PKDCC: variants seen among roughly 807,000 people sequenced by gnomAD.
PKDCC encodes the protein protein kinase domain containing, cytoplasmic, also known as extracellular tyrosine-protein kinase PKDCC.
A neutral mutation model predicts 44.7 loss-of-function variants in PKDCC; 35 were observed. That is an observed-to-expected ratio of 0.78 (90% CI 0.60 to 1.04). The LOEUF is 1.04. Among genes scored for constraint, PKDCC ranks in the 50% least tolerant of loss-of-function variants. The probability of loss-of-function intolerance (pLI) is 0.00; values close to 1 mark genes in which losing one functional copy is unlikely to be tolerated. For missense variants in PKDCC, 738 were observed against 672.7 expected (o/e 1.10, Z -1.07); for synonymous variants, 353 against 303.3 (o/e 1.16, Z -1.70).
chr2:42,052,199 C>G lies in PKDCC; in HGVS notation c.640-1040C>G, dbSNP rs930438487. On this transcript the variant is annotated intron_variant, in intron 1 of 6. Coordinates refer to ENST00000294964, the MANE Select transcript of PKDCC (RefSeq NM_138370.3). The surrounding 1 kb of genome is among the most constrained non-coding windows in gnomAD (Gnocchi z 4.3). ...ACTGATCTTCCAGGAGGAATCATCA[C>G]TCACTACCACCCCCACTGATACACA... 3.3e-5 allele frequency among the ~76,000 whole-genome samples: 5 copies of G among 152,152 alleles called. No individual in the cohort carries two copies. Among genetic ancestry groups the G allele is most frequent in the African/African-American group, 1.2e-4 (5 of 41,432 alleles).
rs372977163 is a variant in PKDCC at position 42,055,067 on chromosome 2, C to G, written c.1114+47C>G. 6.4e-7 allele frequency: 1 copy of G among 1,553,394 alleles called. No homozygotes were observed. The highest frequency in any genetic ancestry group is 1.4e-5 in the African/African-American group (1 of 73,622). ...TGCTTCCAGGCACCTACCCCACCCCCACCCGCCAGCAAAAGTGGGGAGAAA... is the reference window on the plus strand; with the variant it reads ...TGCTTCCAGGCACCTACCCCACCCCGACCCGCCAGCAAAAGTGGGGAGAAA... On this transcript the variant is annotated intron_variant, in intron 4 of 6. Coordinates refer to ENST00000294964, the MANE Select transcript of PKDCC (RefSeq NM_138370.3). The surrounding 1 kb of genome is among the most constrained non-coding windows in gnomAD (Gnocchi z 4.5).
At position 42,055,477 on chromosome 2, in the gene PKDCC, A is replaced by C; in HGVS notation, c.1222+84A>C. The stretch of plus-strand genomic sequence containing the variant: ...CCCGCCCAATTAGGCTAAGTGGCTC[A>C]CCCTTTCTCTGGGGACCCTTGTCTC... On this transcript the variant is annotated intron_variant, in intron 5 of 6. Coordinates refer to ENST00000294964, the MANE Select transcript of PKDCC (RefSeq NM_138370.3). This position sits in a 1 kb window ranked among gnomAD's most constrained non-coding sequence, Gnocchi z 4.5. 3 of 1,243,570 alleles carry C rather than the reference A, an allele frequency of 2.4e-6. No homozygotes were observed. Among genetic ancestry groups the C allele is most frequent in the South Asian group, 1.4e-5 (1 of 72,406 alleles). 77.0% of individuals were successfully genotyped at this position (1,243,570 alleles called of 1,614,324 possible).
rs1208188105 is a variant in PKDCC at position 42,048,185 on chromosome 2, G to T, written c.-15G>T. ...GGGAGCCGCGCGGGGCCGGCCGGCC[G>T]GGGGGAGGGGAGCGATGCGGCGCCG... On this transcript the variant is annotated 5_prime_UTR_variant, in exon 1 of 7. Coordinates refer to ENST00000294964, the MANE Select transcript of PKDCC (RefSeq NM_138370.3). This position sits in a 1 kb window ranked among gnomAD's most constrained non-coding sequence, Gnocchi z 6.2. 4 of 1,103,930 alleles carry T rather than the reference G, an allele frequency of 3.6e-6. No homozygotes were observed. Among genetic ancestry groups the T allele is most frequent in the Non-Finnish European group, 4.4e-6 (4 of 909,212 alleles). The allele number at this position is 1,103,930 out of a possible 1,614,324, so 68.4% of individuals were successfully genotyped here.
chr2:42,048,444 C>G lies in PKDCC; in HGVS notation c.245C>G (p.Pro82Arg). 1 of 1,102,976 alleles carries G rather than the reference C, an allele frequency of 9.1e-7. No homozygotes were observed. The highest frequency in any genetic ancestry group is 1.1e-6 in the Non-Finnish European group (1 of 909,228). The allele number at this position is 1,102,976 out of a possible 1,614,324, so 68.3% of individuals were successfully genotyped here. Reference sequence around the variant, plus strand: ...GGCCCCGGGCCCGGGGCGGGCCGGCCGGAGCGGCGGCGCCTGATGGACCTG... The same window carrying G: ...GGCCCCGGGCCCGGGGCGGGCCGGCGGGAGCGGCGGCGCCTGATGGACCTG... ...RGGPGPGAGR[P>R]ERRRLMDLAP... Residue 82 changes from proline to arginine, a missense_variant, in exon 1 of 7, where the codon CCG becomes CGG. Transcript: ENST00000294964. The surrounding 1 kb of genome is among the most constrained non-coding windows in gnomAD (Gnocchi z 6.2).
In PKDCC at chr2:42,055,441, G is replaced by A; in HGVS notation, c.1222+48G>A. 6.4e-7 allele frequency: 1 copy of A among 1,560,034 alleles called. No individual in the cohort carries two copies. ...ACAGGGAAGCAAGAAACAGGTGGGA[G>A]GGTGAATGACCCCGCCCAATTAGGC... On this transcript the variant is annotated intron_variant, in intron 5 of 6. Transcript: ENST00000294964. The surrounding 1 kb of genome is among the most constrained non-coding windows in gnomAD (Gnocchi z 4.5).
chr2:42,054,988 G>A lies in PKDCC; in HGVS notation c.1082G>A (p.Arg361His), dbSNP rs750512358. 8 of 1,614,052 alleles carry A rather than the reference G, an allele frequency of 5.0e-6. No individual in the cohort carries two copies. Among genetic ancestry groups the A allele is most frequent in the Middle Eastern group, 1.6e-4 (1 of 6,062 alleles). Residue 361 changes from arginine to histidine, a missense_variant, in exon 4 of 7, where the codon CGT becomes CAT. Physicochemically the swap from Arg to His is conservative, Grantham distance 29. Coordinates refer to ENST00000294964, the MANE Select transcript of PKDCC (RefSeq NM_138370.3). The surrounding 1 kb of genome is among the most constrained non-coding windows in gnomAD (Gnocchi z 6.1). ...CCTCACAGTGCCCCGCCTTCACTGCGTCCTCTGCTGGACAGCATCGTCAAC... is the reference window on the plus strand; with the variant it reads ...CCTCACAGTGCCCCGCCTTCACTGCATCCTCTGCTGGACAGCATCGTCAAC... ...LLPHSAPPSL[R>H]PLLDSIVNAT...
rs779227016 is a variant in PKDCC at position 42,053,296 on chromosome 2, A to G, written c.697A>G (p.Thr233Ala). 8 of 1,613,244 alleles carry G rather than the reference A, an allele frequency of 5.0e-6. No homozygotes were observed. Among genetic ancestry groups the G allele is most frequent in the Non-Finnish European group, 6.8e-6 (8 of 1,179,882 alleles). ...EDIPDTLTTI[T>A]ELGAPVEMIQ... ...CATCCCAGACACCCTGACCACCATC[A>G]CGGAGCTGGGCGCCCCTGTAGAAAT... The change falls in exon 2 of 7, where the codon ACG becomes GCG. Residue 233 changes from threonine to alanine, a missense_variant. By Grantham distance (58) the Thr-to-Ala change is moderately conservative. Transcript: ENST00000294964.
chr2:42,048,699 C>T lies in PKDCC; in HGVS notation c.500C>T (p.Ala167Val), dbSNP rs1250250680. The change falls in exon 1 of 7, where the codon GCG becomes GTG. Residue 167 changes from alanine to valine, a missense_variant. Transcript: ENST00000294964. The surrounding 1 kb of genome is among the most constrained non-coding windows in gnomAD (Gnocchi z 6.2). Reference protein sequence around the residue: ...LPGGAAVALKAVDFSGHDLGS... With the variant: ...LPGGAAVALKVVDFSGHDLGS... ...GGCGGTGCCGCGGTGGCGCTCAAGGCGGTGGACTTTAGCGGCCACGATCTG... is the reference window on the plus strand; with the variant it reads ...GGCGGTGCCGCGGTGGCGCTCAAGGTGGTGGACTTTAGCGGCCACGATCTG... 4 of 1,552,854 alleles carry T rather than the reference C, an allele frequency of 2.6e-6. No individual in the cohort carries two copies. The highest frequency in any genetic ancestry group is 2.6e-6 in the Non-Finnish European group (3 of 1,149,560).
At position 42,057,976 on chromosome 2, in the gene PKDCC, C is replaced by G; in HGVS notation, c.*288C>G. On this transcript the variant is annotated 3_prime_UTR_variant, in exon 7 of 7. Coordinates refer to ENST00000294964, the MANE Select transcript of PKDCC (RefSeq NM_138370.3). Reference sequence around the variant, plus strand: ...GTAAGCAAGCTCAGGCTAGTCTCCCCACTGGGGGCTGTGCCCCTCCCTGGG... The same window carrying G: ...GTAAGCAAGCTCAGGCTAGTCTCCCGACTGGGGGCTGTGCCCCTCCCTGGG... 4.4e-6 allele frequency: 2 copies of G among 457,354 alleles called. No homozygotes were observed. Among genetic ancestry groups the G allele is most frequent in the Non-Finnish European group, 7.9e-6 (2 of 252,532 alleles). The allele number at this position is 457,354 out of a possible 1,614,324, so 28.3% of individuals were successfully genotyped here. A position where few individuals can be genotyped will look rare whatever the true frequency, so the allele number is the denominator to read the frequency against.
intron 1 of PKDCC, among the ~76,000 whole-genome samples, chr2:42,049,903 GCACA>G (rs1045984262): frequency 6.6e-6 from 1 of 152,144 alleles, no homozygotes; most frequent in Admixed American, 6.5e-5. Context: ...ATGAAATCTT[GCACA>G]CACCTTCCAC....
In PKDCC at chr2:42,052,175, C is replaced by A. The variant is rs527740487; in HGVS notation, c.640-1064C>A. Among the ~76,000 whole-genome samples the A allele has an allele frequency of 2.6e-5, 4 of 152,250 alleles. No individual in the cohort carries two copies. The South Asian group carries it at 8.3e-4, about 32-fold the overall frequency. On this transcript the variant is annotated intron_variant, in intron 1 of 6. Coordinates refer to ENST00000294964, the MANE Select transcript of PKDCC (RefSeq NM_138370.3). This position sits in a 1 kb window ranked among gnomAD's most constrained non-coding sequence, Gnocchi z 4.3. ...CCCTGTGACCGTAACCCCAAAAGAA[C>A]TGATCTTCCAGGAGGAATCATCACT...
At chr2:42,049,413 G>C (rs1005301259) in intron 1 of PKDCC, among the ~76,000 whole-genome samples, 6 of 152,056 alleles carry the variant, frequency 3.9e-5, no homozygotes, top group Non-Finnish European at 8.8e-5. Flanking sequence ...ACACTGGAAG[G>C]GGGCTGGGGA....
At chr2:42,049,678 G>A (rs1667935104) in intron 1 of PKDCC, among the ~76,000 whole-genome samples, 1 of 152,180 alleles carries the variant, frequency 6.6e-6, no homozygotes, top group Non-Finnish European at 1.5e-5. Flanking sequence ...ACACAGGCGA[G>A]AGCTGAAACC....
Position 42,048,858 on chromosome 2 carries a change from G to A in PKDCC, c.639+20G>A, listed in dbSNP as rs755968453. Reference sequence around the variant, plus strand: ...CTGCAGGTACGAGGGTGGGGACGCGGGGGTAACGGTGTTGGCTGGGAGTGC... The same window carrying A: ...CTGCAGGTACGAGGGTGGGGACGCGAGGGTAACGGTGTTGGCTGGGAGTGC... On this transcript the variant is annotated intron_variant, in intron 1 of 6. Transcript: ENST00000294964. The surrounding 1 kb of genome is among the most constrained non-coding windows in gnomAD (Gnocchi z 6.2). 9 of 1,455,348 alleles carry A rather than the reference G, an allele frequency of 6.2e-6. No homozygotes were observed. The highest frequency in any genetic ancestry group is 8.2e-6 in the Non-Finnish European group (9 of 1,098,806). 90.2% of individuals were successfully genotyped at this position (1,455,348 alleles called of 1,614,324 possible).
chr2:42,050,498 C>T (rs1667946685), intron 1 of PKDCC, among the ~76,000 whole-genome samples: 1 of 152,182 alleles, frequency 6.6e-6, no homozygotes, highest in South Asian at 2.1e-4. Flanking sequence ...TTCCCGCCAG[C>T]TCAAACTTCC....
rs774096529 is a variant in PKDCC at position 42,054,017 on chromosome 2, C to G, written c.763-19C>G. 3 of 1,603,940 alleles carry G rather than the reference C, an allele frequency of 1.9e-6. No individual in the cohort carries two copies. Among genetic ancestry groups the G allele is most frequent in the Admixed American group, 3.3e-5 (2 of 59,748 alleles). On this transcript the variant is annotated intron_variant, in intron 2 of 6. Transcript: ENST00000294964. The surrounding 1 kb of genome is among the most constrained non-coding windows in gnomAD (Gnocchi z 6.1). ...ACCCAGGAGAAAAGCAGTGAGCAGTCTTTTCTTGTGCCCCTCAGATCTGCC... is the reference window on the plus strand; with the variant it reads ...ACCCAGGAGAAAAGCAGTGAGCAGTGTTTTCTTGTGCCCCTCAGATCTGCC...
chr2:42,050,252 G>A (rs1667943878), intron 1 of PKDCC, among the ~76,000 whole-genome samples: 1 of 152,202 alleles, frequency 6.6e-6, no homozygotes, highest in Non-Finnish European at 1.5e-5. Context: ...CAGGGAGTGA[G>A]CCCCTGGTTA....
Position 42,053,974 on chromosome 2 carries a change from G to C in PKDCC, c.763-62G>C, listed in dbSNP as rs1386169585. On this transcript the variant is annotated intron_variant, in intron 2 of 6. Transcript: ENST00000294964. ...CAGATTCCAAGAGGAGGGTGCCCTC[G>C]AGTCCCACAGACCCCCAACCCAGGA... 7.7e-6 allele frequency: 12 copies of C among 1,559,178 alleles called. No individual in the cohort carries two copies. In the Admixed American group the frequency reaches 2.1e-4, roughly 28 times the overall value.
rs376376390 is a variant in PKDCC, at chr2:42,052,741, A to G, written c.640-498A>G. Among the ~76,000 whole-genome samples the G allele has an allele frequency of 3.4e-5, 5 of 148,138 alleles. No homozygotes were observed. Among genetic ancestry groups the G allele is most frequent in the African/African-American group, 9.8e-5 (4 of 40,872 alleles). On this transcript the variant is annotated intron_variant, in intron 1 of 6. Coordinates refer to ENST00000294964, the MANE Select transcript of PKDCC (RefSeq NM_138370.3). The surrounding 1 kb of genome is among the most constrained non-coding windows in gnomAD (Gnocchi z 4.3). ...TGGGCAACAGAGCGAGGCTGTCTCA[A>G]AAAAAAAAAAAGAAAAGAAAAGAAA...
Sources: gnomAD v4.1 joint callset for allele counts (sites outside exome capture counted in the v4.1 genomes callset) on GRCh38, gnomAD v4.1.1 for gene constraint, Gnocchi (gnomAD v3.1) non-coding constraint, MANE v1.5 for transcripts, NCBI Gene and HGNC (gene_info 2026-07-23, HGNC 2026-07-21) for gene names.